Variants in BAIAP2L1 observed in about 807,000 individuals in gnomAD.
BAIAP2L1 encodes BAR/IMD domain-containing adapter protein 2-like 1.
In BAIAP2L1, 35 loss-of-function variants were observed where a neutral mutation model predicts 66.3. That is an observed-to-expected ratio of 0.53 (90% confidence interval 0.40 to 0.70). BAIAP2L1 has a LOEUF of 0.70. Ranked by LOEUF, BAIAP2L1 falls within the 30% of genes least tolerant of loss-of-function variation. The pLI, the probability that BAIAP2L1 is intolerant of heterozygous loss-of-function variation, is 0.00. For synonymous variants in BAIAP2L1, 269 were observed against 248.7 expected (o/e 1.08, Z -0.77); for missense variants, 622 against 656.9 (o/e 0.95, Z 0.58).
intron 9 of BAIAP2L1, 166 bp from the exon 10 acceptor site, chr7:98,308,062 G>T (rs1372310148): frequency 3.4e-5 from 25 of 738,740 alleles, no homozygotes; most frequent in Non-Finnish European, 5.5e-5. Context: ...TGCCCAGAAG[G>T]AACAGGGACT....
intron 2 of BAIAP2L1, among the ~76,000 whole-genome samples, chr7:98,357,152 G>C (rs1802155236): frequency 6.9e-6 from 1 of 144,458 alleles, no homozygotes; most frequent in Admixed American, 7.1e-5. Flanking sequence ...CACCCAAAGT[G>C]TTTGGATTAT....
chr7:98,342,075 A>G (rs1392789044), intron 3 of BAIAP2L1, among the ~76,000 whole-genome samples: 1 of 140,624 alleles, frequency 7.1e-6, no homozygotes, highest in Admixed American at 7.4e-5. Flanking sequence ...TTATAAAGAC[A>G]GAGTCTTGCT....
chr7:98,327,251 C>T (rs1801396913), intron 3 of BAIAP2L1, among the ~76,000 whole-genome samples: 1 of 151,964 alleles, frequency 6.6e-6, no homozygotes, highest in Non-Finnish European at 1.5e-5. Flanking sequence ...ATTCCAGCTA[C>T]TTGGGAGGCT....
At chr7:98,328,512 G>A (rs1801423351) in intron 3 of BAIAP2L1, among the ~76,000 whole-genome samples, 1 of 152,000 alleles carries the variant, frequency 6.6e-6, no homozygotes, top group African/African-American at 2.4e-5. Flanking sequence ...GTGTTCTGGA[G>A]AGAAACACTG....
At chr7:98,384,804 T>C (rs532328645) in intron 1 of BAIAP2L1, among the ~76,000 whole-genome samples, 26 of 150,200 alleles carry the variant, frequency 1.7e-4, no homozygotes, top group Non-Finnish European at 3.5e-4. Context: ...GTTCAAGCGA[T>C]TCTCCTGCCT....
At position 98,306,432 on chromosome 7, in the gene BAIAP2L1, G is replaced by C. The variant is rs1562966797; in HGVS notation, c.1241+7C>G. On this transcript the variant is annotated splice_region_variant and intron_variant, in intron 11 of 13. Coordinates refer to ENST00000005260, the MANE Select transcript of BAIAP2L1 (RefSeq NM_018842.5). ...CACCGGGAGAGCTCAGCCACGTTCA[G>C]GGCTACCTTGGCGTGGGCACGGTCA... 13 of 1,614,066 alleles carry C rather than the reference G, an allele frequency of 8.1e-6. No individual in the cohort carries two copies. In the African/African-American group the frequency reaches 1.6e-4, roughly 20 times the overall value.
chr7:98,298,952 TCACCTCA>T (rs1800302769), intron 12 of BAIAP2L1, among the ~76,000 whole-genome samples: 1 of 151,984 alleles, frequency 6.6e-6, no homozygotes, highest in African/African-American at 2.4e-5. Flanking sequence ...ATCGATCCTC[TCACCTCA>T]GGCTCCTGAG....
chr7:98,380,225 G>A (rs960459911), intron 1 of BAIAP2L1, among the ~76,000 whole-genome samples: 5 of 151,904 alleles, frequency 3.3e-5, no homozygotes, highest in South Asian at 2.1e-4. Flanking sequence ...CTTTAGGTAC[G>A]CACCAACACA....
At chr7:98,295,314 G>A (rs1033995770) in intron 12 of BAIAP2L1, among the ~76,000 whole-genome samples, 1 of 152,084 alleles carries the variant, frequency 6.6e-6, no homozygotes, top group Non-Finnish European at 1.5e-5. Flanking sequence ...AGATCCCCTG[G>A]GCAGGGCATC....
intron 7 of BAIAP2L1, among the ~76,000 whole-genome samples, chr7:98,313,792 C>CT (rs543402978): frequency 0.022 from 2,962 of 132,948 alleles, 41 homozygotes; most frequent in South Asian, 0.027. Context: ...CTAATTAAAA[C>CT]TTTTTTTTTT....
intron 3 of BAIAP2L1, among the ~76,000 whole-genome samples, chr7:98,353,764 AG>A (rs1290515943): frequency 6.7e-6 from 1 of 148,802 alleles, no homozygotes; most frequent in Non-Finnish European, 1.5e-5. Context: ...GTTCGAGATC[AG>A]CCTGGCCAAC....
intron 2 of BAIAP2L1, among the ~76,000 whole-genome samples, chr7:98,356,581 T>C (rs1195163765): frequency 2.0e-5 from 3 of 150,684 alleles, no homozygotes; most frequent in African/African-American, 7.3e-5. Flanking sequence ...ACTGCAGCCT[T>C]GACCTCCTGG....
Position 98,312,221 on chromosome 7 carries a change from G to A in BAIAP2L1, c.683C>T (p.Thr228Ile). The change falls in exon 8 of 14, where the codon ACC (threonine) becomes ATC (isoleucine). Residue 228 changes from threonine (T) to isoleucine (I), a missense_variant. Transcript: ENST00000005260. ...TGGCACTTTGATGGCATCAACACAG[G>A]TCTCCTGCCACCGAGGCAGCTTGGA... is the stretch of plus-strand genomic sequence containing the variant. ...LNSKLPRWQE[T>I]CVDAIKVPEK... is the part of the protein sequence containing the mutation. 1.9e-6 allele frequency: 3 copies of A among 1,613,774 alleles called. No individual in the cohort carries two copies. Among genetic ancestry groups the A allele is most frequent in the Non-Finnish European group, 2.5e-6 (3 of 1,179,916 alleles).
rs749387996 is a variant in BAIAP2L1, at chr7:98,292,682, T to C, written c.*839A>G. 1.3e-6 allele frequency: 2 copies of C among 1,551,556 alleles called. No individual in the cohort carries two copies. The highest frequency in any genetic ancestry group is 1.7e-6 in the Non-Finnish European group (2 of 1,147,002). On this transcript the variant is annotated 3_prime_UTR_variant, in exon 14 of 14. Coordinates refer to ENST00000005260, the MANE Select transcript of BAIAP2L1 (RefSeq NM_018842.5). ...GCTTTACACGTATCCTTTGAGAGTC[T>C]GTACCTGATTCAAACACGGAGAAAC... is the stretch of plus-strand genomic sequence containing the variant.
At position 98,304,249 on chromosome 7, in the gene BAIAP2L1, TGGCC is replaced by T. The variant is rs1255150183; in HGVS notation, c.1365_1368del (p.Ala456GlyfsTer39). The T allele has an allele frequency of 6.2e-7, 1 of 1,613,452 alleles. No homozygotes were observed. The highest frequency in any genetic ancestry group is 8.5e-7 in the Non-Finnish European group (1 of 1,179,774). On this transcript the variant is annotated frameshift_variant, in exon 12 of 14. Transcript: ENST00000005260. LOFTEE classifies it high-confidence loss of function. ...GGGGCCTTAAAGGTGGATGTCGTCCTGGCCGAATCTGCTCTCCTGTCGGCAGCTG... is the reference window on the plus strand; with the variant it reads ...GGGGCCTTAAAGGTGGATGTCGTCCTGAATCTGCTCTCCTGTCGGCAGCTG...
intron 12 of BAIAP2L1, 51 bp from the exon 13 acceptor site, chr7:98,294,162 A>G: frequency 1.3e-6 from 2 of 1,587,274 alleles, no homozygotes; most frequent in Non-Finnish European, 1.7e-6. Context: ...GGTCTTTTAA[A>G]AATTATTTTA....
rs578258588 is a variant in BAIAP2L1, at chr7:98,393,359, C to T, written c.51+7443G>A. The stretch of plus-strand genomic sequence containing the variant: ...ACCCGGCCATGAAAGGGTTTTATTA[C>T]ATAAGGGATGTTGAAAGCACAGATG... On this transcript the variant is annotated intron_variant, in intron 1 of 13. Coordinates refer to ENST00000005260, the MANE Select transcript of BAIAP2L1 (RefSeq NM_018842.5). Among the ~76,000 whole-genome samples the T allele has an allele frequency of 1.0e-3, 154 of 151,362 alleles. 1 individual carries two copies. The highest frequency in any genetic ancestry group is 3.6e-3 in the African/African-American group (150 of 41,298).
intron 12 of BAIAP2L1, among the ~76,000 whole-genome samples, chr7:98,297,609 G>T (rs535242138): frequency 6.6e-6 from 1 of 152,308 alleles, no homozygotes; most frequent in East Asian, 1.9e-4. Context: ...CTCGTCTGTG[G>T]CCCGGACTTG....
At chr7:98,344,078 G>A (rs1257231822) in intron 3 of BAIAP2L1, among the ~76,000 whole-genome samples, 1 of 152,226 alleles carries the variant, frequency 6.6e-6, no homozygotes, top group African/African-American at 2.4e-5. Context: ...TAGGGAGGCT[G>A]AGGCAAGAGA....
Sources: allele counts gnomAD v4.1 joint callset (sites outside exome capture counted in the v4.1 genomes callset), GRCh38; gene constraint gnomAD v4.1.1; transcripts MANE v1.5; gene names NCBI Gene and HGNC (gene_info 2026-07-23, HGNC 2026-07-21).